ATP9B: variants seen among roughly 807,000 people sequenced by gnomAD.
The protein encoded by ATP9B is probable phospholipid-transporting ATPase IIB.
ATP9B carries 110 observed loss-of-function variants against 146.1 expected under a neutral mutation model. The observed-to-expected ratio is 0.75, with a 90% confidence interval of 0.65 to 0.88. The LOEUF is 0.88. Among genes scored for constraint, ATP9B ranks in the 40% least tolerant of loss-of-function variants. The probability of loss-of-function intolerance (pLI) is 0.00; values close to 1 mark genes in which losing one functional copy is unlikely to be tolerated. For synonymous variants in ATP9B, 604 were observed against 569.7 expected (o/e 1.06, Z -0.86); for missense variants, 1,499 against 1,496.4 (o/e 1.00, Z -0.03).
intron 7 of ATP9B, among the ~76,000 whole-genome samples, chr18:79,166,766 G>A (rs974320005): frequency 6.6e-6 from 1 of 152,134 alleles, no homozygotes; most frequent in African/African-American, 2.4e-5. Flanking sequence ...GGCCCGTGGA[G>A]CCTTTGTCCA....
chr18:79,249,442 T>C (rs912416132), intron 11 of ATP9B, among the ~76,000 whole-genome samples: 1 of 152,218 alleles, frequency 6.6e-6, no homozygotes, highest in African/African-American at 2.4e-5. Flanking sequence ...TTTACTAATA[T>C]AGGAGATGAC....
intron 1 of ATP9B, among the ~76,000 whole-genome samples, chr18:79,091,712 A>G (rs1187382508): frequency 6.6e-6 from 1 of 152,250 alleles, no homozygotes; most frequent in Admixed American, 6.5e-5. Context: ...CGTTCGTATC[A>G]TCAGCAAACA....
chr18:79,107,639 T>G (rs1416011675), intron 2 of ATP9B, among the ~76,000 whole-genome samples: 1 of 152,194 alleles, frequency 6.6e-6, no homozygotes, highest in Non-Finnish European at 1.5e-5. Context: ...TTGCTGGTGA[T>G]TGTCTCCAAA....
intron 12 of ATP9B, among the ~76,000 whole-genome samples, chr18:79,261,724 C>T (rs1463149039): frequency 3.3e-5 from 5 of 152,132 alleles, no homozygotes; most frequent in African/African-American, 2.4e-5. Flanking sequence ...GGCAAGGTAG[C>T]GTCAGGAAGG....
intron 6 of ATP9B, among the ~76,000 whole-genome samples, chr18:79,154,129 A>AT (rs35469027): frequency 1.1e-3 from 161 of 144,096 alleles, no homozygotes; most frequent in Middle Eastern, 0.011. Flanking sequence ...AATTTTTTGC[A>AT]TTTTTTTTTT....
intron 11 of ATP9B, among the ~76,000 whole-genome samples, chr18:79,236,189 G>A (rs191446962): frequency 1.3e-5 from 2 of 152,168 alleles, no homozygotes; most frequent in Non-Finnish European, 1.5e-5. Context: ...TAGCATTCTA[G>A]TGAGTATGTG....
intron 12 of ATP9B, among the ~76,000 whole-genome samples, chr18:79,275,804 G>A (rs753504352): frequency 4.6e-5 from 7 of 152,242 alleles, no homozygotes; most frequent in South Asian, 2.1e-4. Context: ...TTTAAATAGC[G>A]AAAGATGGTG....
At chr18:79,341,649 G>A (rs548562482) in intron 19 of ATP9B, among the ~76,000 whole-genome samples, 7 of 143,810 alleles carry the variant, frequency 4.9e-5, no homozygotes, top group East Asian at 4.3e-4. Context: ...TGAAGCCTGC[G>A]TTGCCAACAC....
chr18:79,210,408 G>A (rs115306541), intron 10 of ATP9B, among the ~76,000 whole-genome samples: 1 of 152,146 alleles, frequency 6.6e-6, no homozygotes, highest in Non-Finnish European at 1.5e-5. Flanking sequence ...GCCGTGTGGT[G>A]TCTAGACCTG....
chr18:79,345,685 TG>T (rs1429015775), intron 22 of ATP9B, 89 bp from the exon 23 acceptor site: 13 of 1,602,944 alleles, frequency 8.1e-6, no homozygotes, highest in Non-Finnish European at 2.6e-6. Context: ...TCTCCATTCA[TG>T]GAAGTTTCTG....
intron 26 of ATP9B, among the ~76,000 whole-genome samples, chr18:79,367,832 G>A (rs1483956232): frequency 6.6e-6 from 1 of 152,252 alleles, no homozygotes; most frequent in Non-Finnish European, 1.5e-5. Flanking sequence ...CGAAATCAAG[G>A]GCATTCCAAA....
chr18:79,244,190 T>C (rs1277053083), intron 11 of ATP9B, among the ~76,000 whole-genome samples: 1 of 147,464 alleles, frequency 6.8e-6, no homozygotes, highest in Non-Finnish European at 1.5e-5. Context: ...TTCATGGCCA[T>C]GTTCCAGGCA....
At chr18:79,082,605 T>TTGTTGA (rs2073382924) in intron 1 of ATP9B, among the ~76,000 whole-genome samples, 2 of 152,202 alleles carry the variant, frequency 1.3e-5, no homozygotes, top group Admixed American at 1.3e-4. Flanking sequence ...GATGTCCTTT[T>TTGTTGA]TGTTGATGTT....
chr18:79,329,590 C>A (rs1458546515), intron 16 of ATP9B, among the ~76,000 whole-genome samples: 2 of 152,060 alleles, frequency 1.3e-5, no homozygotes, highest in Non-Finnish European at 2.9e-5. Flanking sequence ...TTGATTTCAA[C>A]AAAAATAACA....
At chr18:79,361,918 C>T (rs1015233855) in intron 26 of ATP9B, 1 of 446,698 alleles carries the variant, frequency 2.2e-6, no homozygotes, top group Non-Finnish European at 3.0e-6. Flanking sequence ...CTCAACAAGT[C>T]TGTATTCTAG....
intron 6 of ATP9B, among the ~76,000 whole-genome samples, chr18:79,149,354 G>C (rs151213099): frequency 1.0e-3 from 153 of 152,088 alleles, no homozygotes; most frequent in African/African-American, 3.5e-3. Context: ...ACCAGAATTA[G>C]ACAAAGGTGT....
chr18:79,226,967 C>T (rs1199782857), intron 11 of ATP9B, among the ~76,000 whole-genome samples: 2 of 151,858 alleles, frequency 1.3e-5, no homozygotes, highest in South Asian at 2.1e-4. Flanking sequence ...TGTTGGGCAC[C>T]ATATACTAGG....
intron 6 of ATP9B, chr18:79,144,394 C>T (rs2094551605): frequency 6.6e-6 from 1 of 152,294 alleles, no homozygotes; most frequent in Non-Finnish European, 1.5e-5. Flanking sequence ...TTTCCATGGA[C>T]CAAGGTTCAG....
At chr18:79,080,976 A>G (rs920434722) in intron 1 of ATP9B, among the ~76,000 whole-genome samples, 1 of 152,142 alleles carries the variant, frequency 6.6e-6, no homozygotes, top group Non-Finnish European at 1.5e-5. Flanking sequence ...AGCTGACTTG[A>G]TCATGGTGGA....
Sources: gnomAD v4.1 joint callset for allele counts (sites outside exome capture counted in the v4.1 genomes callset) on GRCh38, gnomAD v4.1.1 for gene constraint, MANE v1.5 for transcripts, NCBI Gene and HGNC (gene_info 2026-07-23, HGNC 2026-07-21) for gene names.